The following NCKAP5 variants were observed in gnomAD, a reference collection of about 807,000 sequenced individuals.
NCKAP5 encodes nck-associated protein 5.
Under a neutral mutation model 167.0 loss-of-function variants are expected in NCKAP5, and 92 were observed. The observed-to-expected ratio is 0.55, with a 90% CI of 0.47 to 0.66. NCKAP5 has a LOEUF of 0.66. NCKAP5 is among the 30% of genes least tolerant of loss of function. The pLI is 0.00. For synonymous variants in NCKAP5, 891 were observed against 877.4 expected, an observed-to-expected ratio of 1.02 and a Z score of -0.27; for missense variants, 2,378 against 2,315.0, an observed-to-expected ratio of 1.03 and a Z score of -0.56.
intron 8 of NCKAP5, among the ~76,000 whole-genome samples, chr2:132,945,337 C>T (rs1697627049): frequency 6.6e-6 from 1 of 152,096 alleles, no homozygotes; most frequent in Non-Finnish European, 1.5e-5. Flanking sequence ...AGGGGTTTCT[C>T]CAACTCCTTT....
At chr2:132,693,619 CT>C (rs1185832600) in intron 19 of NCKAP5, among the ~76,000 whole-genome samples, 3,226 of 84,510 alleles carry the variant, frequency 0.038, 48 homozygotes, top group African/African-American at 0.14. Flanking sequence ...CCCACCCCGC[CT>C]TTTTTTTTTT....
intron 7 of NCKAP5, among the ~76,000 whole-genome samples, chr2:132,991,275 T>A (rs2077441003): frequency 6.6e-6 from 1 of 152,170 alleles, no homozygotes; most frequent in South Asian, 2.1e-4. Context: ...TTGATGGGGC[T>A]CTGAACTAGG....
At chr2:133,660,668 G>T in the NCKAP5 span, among the ~76,000 whole-genome samples, 1 of 152,118 alleles carries the variant, frequency 6.6e-6, no homozygotes, top group African/African-American at 2.4e-5. Context: ...CTCCAAAGAC[G>T]TATTAGAACA....
intron 16 of NCKAP5, among the ~76,000 whole-genome samples, chr2:132,760,085 C>T (rs769372380): frequency 1.2e-4 from 18 of 152,154 alleles, no homozygotes; most frequent in Middle Eastern, 3.4e-3. Flanking sequence ...TTGCTTAATG[C>T]CTCTTCCCAC....
chr2:133,109,446 T>G (rs16848133), intron 6 of NCKAP5, among the ~76,000 whole-genome samples: 1 of 152,208 alleles, frequency 6.6e-6, no homozygotes, highest in Non-Finnish European at 1.5e-5. Flanking sequence ...ATATTTCCCA[T>G]GTGGCTTGCA....
At chr2:133,436,843 G>T (rs1336107977) in intron 3 of NCKAP5, among the ~76,000 whole-genome samples, 1 of 152,056 alleles carries the variant, frequency 6.6e-6, no homozygotes, top group African/African-American at 2.4e-5. Flanking sequence ...CTATGAGCCC[G>T]TTTTCTCAGA....
chr2:133,492,540 A>G (rs1458258772), intron 3 of NCKAP5, among the ~76,000 whole-genome samples: 1 of 152,200 alleles, frequency 6.6e-6, no homozygotes, highest in African/African-American at 2.4e-5. Context: ...TGGAACGATC[A>G]GAAATAGATT....
the NCKAP5 span, among the ~76,000 whole-genome samples, chr2:133,596,818 G>A: frequency 6.6e-6 from 1 of 152,150 alleles, no homozygotes; most frequent in Non-Finnish European, 1.5e-5. Context: ...AGGGACTGGA[G>A]AAGCATGCAG....
intron 16 of NCKAP5, among the ~76,000 whole-genome samples, chr2:132,761,812 T>G (rs1449111130): frequency 6.6e-6 from 1 of 152,184 alleles, no homozygotes; most frequent in Non-Finnish European, 1.5e-5. Context: ...ACAGGTCATG[T>G]TCCCTATATA....
intron 8 of NCKAP5, among the ~76,000 whole-genome samples, chr2:132,946,805 A>G (rs574714586): frequency 7.9e-5 from 12 of 152,276 alleles, no homozygotes; most frequent in African/African-American, 2.9e-4. Flanking sequence ...GGCTGAGGTG[A>G]GAGGATCACT....
At chr2:133,242,253 T>C (rs2087750676) in intron 4 of NCKAP5, among the ~76,000 whole-genome samples, 1 of 143,470 alleles carries the variant, frequency 7.0e-6, no homozygotes. Flanking sequence ...TCTTTTCTTT[T>C]CTTTTCTTTT....
the NCKAP5 span, among the ~76,000 whole-genome samples, chr2:133,631,831 T>C: frequency 6.6e-6 from 1 of 152,132 alleles, no homozygotes; most frequent in Non-Finnish European, 1.5e-5. Flanking sequence ...ACTGAAATAG[T>C]AAATGAAAAC....
chr2:132,710,403 A>G (rs1186228492), intron 19 of NCKAP5, among the ~76,000 whole-genome samples: 1 of 152,238 alleles, frequency 6.6e-6, no homozygotes, highest in East Asian at 1.9e-4. Flanking sequence ...TTAGAAGCAC[A>G]TATCCCTTTC....
At chr2:133,111,682 T>G (rs1446088285) in intron 6 of NCKAP5, among the ~76,000 whole-genome samples, 4 of 152,188 alleles carry the variant, frequency 2.6e-5, no homozygotes, top group African/African-American at 9.6e-5. Context: ...CTAAGCAGAC[T>G]GGGCCCGGGT....
chr2:132,920,704 TA>T (rs1299017897), intron 8 of NCKAP5, among the ~76,000 whole-genome samples: 7,950 of 99,572 alleles, frequency 0.08, 1,212 homozygotes, highest in Admixed American at 0.23. Flanking sequence ...TATATATACG[TA>T]TATGTATATA....
At chr2:133,486,570 T>C (rs540986873) in intron 3 of NCKAP5, among the ~76,000 whole-genome samples, 1 of 152,274 alleles carries the variant, frequency 6.6e-6, no homozygotes, top group South Asian at 2.1e-4. Flanking sequence ...TGAAACAGAA[T>C]TGGAAATTAC....
chr2:133,151,321 C>T (rs894068515), intron 5 of NCKAP5, among the ~76,000 whole-genome samples: 3 of 151,598 alleles, frequency 2.0e-5, no homozygotes, highest in African/African-American at 2.4e-5. Context: ...AAACCTTAAA[C>T]TTCTGCTCTG....
At chr2:133,519,217 C>G (rs1684274902) in intron 2 of NCKAP5, among the ~76,000 whole-genome samples, 1 of 152,186 alleles carries the variant, frequency 6.6e-6, no homozygotes, top group African/African-American at 2.4e-5. Flanking sequence ...GCTTCCTCCT[C>G]CATCTTAGTC....
At chr2:133,674,712 T>C in the NCKAP5 span, among the ~76,000 whole-genome samples, 3 of 152,266 alleles carry the variant, frequency 2.0e-5, no homozygotes, top group East Asian at 5.8e-4. Flanking sequence ...AATGTTTCAC[T>C]TTAGCCCACT....
Sources: allele counts gnomAD v4.1 joint callset (sites outside exome capture counted in the v4.1 genomes callset), GRCh38; gene constraint gnomAD v4.1.1; transcripts MANE v1.5; gene names NCBI Gene and HGNC (gene_info 2026-07-23, HGNC 2026-07-21).